The following PTPRD variants were observed in gnomAD, a reference collection of about 807,000 sequenced individuals.
PTPRD encodes the protein receptor-type tyrosine-protein phosphatase delta.
In PTPRD, 34 loss-of-function variants were observed where a neutral mutation model predicts 214.5. That is an observed-to-expected ratio of 0.16 (90% CI 0.12 to 0.21). The LOEUF is 0.21. Ranked by LOEUF, PTPRD falls within the 10% of genes least tolerant of loss-of-function variation. PTPRD has a pLI of 1.00. For synonymous variants in PTPRD, 1,128 were observed against 845.7 expected, an observed-to-expected ratio of 1.33 and a Z score of -5.79; for missense variants, 2,545 against 2,398.7, an observed-to-expected ratio of 1.06 and a Z score of -1.27.
chr9:8,505,869 C>T (rs900844270), intron 22 of PTPRD, among the ~76,000 whole-genome samples: 2 of 152,034 alleles, frequency 1.3e-5, no homozygotes, highest in African/African-American at 4.8e-5. Context: ...CTATGTATGC[C>T]TGTATTTTAG....
intron 35 of PTPRD, among the ~76,000 whole-genome samples, chr9:8,405,528 C>T (rs931824409): frequency 6.6e-6 from 1 of 151,840 alleles, no homozygotes; most frequent in Non-Finnish European, 1.5e-5. Flanking sequence ...ATTTCAAGAC[C>T]AAATTCAGGT....
chr9:10,156,529 T>C (rs1564189617), intron 3 of PTPRD, among the ~76,000 whole-genome samples: 3 of 152,204 alleles, frequency 2.0e-5, no homozygotes, highest in Admixed American at 6.5e-5. Flanking sequence ...TTATTTCGCA[T>C]TTGCTGATGA....
At chr9:9,302,601 C>CTTTTTTTTTTTTT (rs3047853) in intron 9 of PTPRD, among the ~76,000 whole-genome samples, 85 of 111,874 alleles carry the variant, frequency 7.6e-4, no homozygotes, top group East Asian at 1.9e-3. Flanking sequence ...TTTTTTTTTT[C>CTTTTTTTTTTTTT]TTTTTTTTTT....
intron 11 of PTPRD, among the ~76,000 whole-genome samples, chr9:8,902,105 T>C (rs904197696): frequency 1.1e-4 from 16 of 151,238 alleles, no homozygotes; most frequent in Non-Finnish European, 1.2e-4. Context: ...TATTACTGTA[T>C]TATCATATAC....
At position 10,034,735 on chromosome 9, in the gene PTPRD, A is replaced by G. The variant is rs919328113; in HGVS notation, c.-544-945T>C. The stretch of plus-strand genomic sequence containing the variant: ...ATAATGGTCTCCGGCTGCATCCAAC[A>G]AAGTCCTGCACAGGAAATGATTTTG... On this transcript the variant is annotated intron_variant, in intron 3 of 45. Transcript: ENST00000381196. 2.6e-5 allele frequency among the ~76,000 whole-genome samples: 4 copies of G among 152,206 alleles called. No individual in the cohort carries two copies. The East Asian group carries it at 5.8e-4, about 22-fold the overall frequency.
chr9:10,156,671 C>T (rs758356970), intron 3 of PTPRD, among the ~76,000 whole-genome samples: 5 of 152,130 alleles, frequency 3.3e-5, no homozygotes, highest in African/African-American at 9.7e-5. Flanking sequence ...GTGCTGAGTT[C>T]AGGTCCTCAA....
intron 10 of PTPRD, among the ~76,000 whole-genome samples, chr9:9,157,383 G>A (rs771810186): frequency 6.6e-6 from 1 of 151,814 alleles, no homozygotes; most frequent in Non-Finnish European, 1.5e-5. Context: ...TAAACTCTTA[G>A]ATTAATGAGG....
At chr9:8,458,390 G>T (rs1378919404) in intron 33 of PTPRD, among the ~76,000 whole-genome samples, 1 of 151,982 alleles carries the variant, frequency 6.6e-6, no homozygotes, top group East Asian at 1.9e-4. Flanking sequence ...TGATAGCTAT[G>T]TATATCCAAA....
intron 12 of PTPRD, among the ~76,000 whole-genome samples, chr9:8,698,349 C>T (rs1033405621): frequency 7.2e-5 from 11 of 152,136 alleles, no homozygotes; most frequent in African/African-American, 2.7e-4. Context: ...GCGAAGACGA[C>T]AGTTAGTGAT....
In PTPRD at chr9:8,465,474, C is replaced by T. The variant is rs1184025257; in HGVS notation, c.3706G>A (p.Ala1236Thr). 1.2e-6 allele frequency: 2 copies of T among 1,611,654 alleles called. No individual in the cohort carries two copies. The highest frequency in any genetic ancestry group is 8.5e-7 in the Non-Finnish European group (1 of 1,178,302). ...VFFVLAVMEH[A>T]ESKMYATSPY... ...CATCATAATTAACTTACAGACTCTG[C>T]ATGTTCCATTACTGCTAACACAAAG... The change falls in exon 32 of 46, where the codon GCA (alanine) becomes ACA (threonine). Residue 1236 changes from alanine to threonine, a missense_variant. Coordinates refer to ENST00000381196, the MANE Select transcript of PTPRD (RefSeq NM_002839.4).
At chr9:9,998,129 A>AAAAAAAAAAAT (rs57991748) in intron 4 of PTPRD, among the ~76,000 whole-genome samples, 1 of 91,458 alleles carries the variant, frequency 1.1e-5, no homozygotes, top group Admixed American at 1.2e-4. Flanking sequence ...AAAAAAAAAA[A>AAAAAAAAAAAT]ATATATATAT....
At chr9:10,394,067 T>G (rs2890916) in intron 2 of PTPRD, among the ~76,000 whole-genome samples, 3,469 of 144,410 alleles carry the variant, frequency 0.024, 133 homozygotes, top group African/African-American at 0.083. Flanking sequence ...TATATATATA[T>G]ATATATATAG....
chr9:8,814,565 C>A (rs1014072989), intron 11 of PTPRD, among the ~76,000 whole-genome samples: 2 of 152,054 alleles, frequency 1.3e-5, no homozygotes, highest in East Asian at 3.9e-4. Context: ...CTAGGTGACA[C>A]GAGCAAGTCA....
At chr9:9,805,139 G>A (rs2099064961) in intron 5 of PTPRD, among the ~76,000 whole-genome samples, 2 of 152,076 alleles carry the variant, frequency 1.3e-5, no homozygotes, top group Admixed American at 6.6e-5. Flanking sequence ...GGGTTTTGGG[G>A]CCAGGCTTAC....
chr9:10,061,112 G>C (rs2097771636), intron 3 of PTPRD, among the ~76,000 whole-genome samples: 1 of 151,448 alleles, frequency 6.6e-6, no homozygotes, highest in African/African-American at 2.4e-5. Context: ...TTCAGCCAAG[G>C]GTATGATATA....
intron 11 of PTPRD, among the ~76,000 whole-genome samples, chr9:8,873,065 C>T (rs909415884): frequency 4.6e-5 from 7 of 152,200 alleles, no homozygotes; most frequent in African/African-American, 1.7e-4. Flanking sequence ...TACAGTGTTA[C>T]TGCAGCGATA....
chr9:9,988,442 G>A (rs1233986465), intron 4 of PTPRD, among the ~76,000 whole-genome samples: 2 of 152,078 alleles, frequency 1.3e-5, no homozygotes, highest in Non-Finnish European at 2.9e-5. Flanking sequence ...AGCTCAAACT[G>A]ATTTCCTTGA....
At chr9:9,840,893 C>T (rs1334531066) in intron 5 of PTPRD, among the ~76,000 whole-genome samples, 1 of 146,338 alleles carries the variant, frequency 6.8e-6, no homozygotes, top group Non-Finnish European at 1.5e-5. Flanking sequence ...ATAAGGAGTT[C>T]AATTTTTATA....
chr9:9,077,311 A>G (rs1432605393), intron 10 of PTPRD, among the ~76,000 whole-genome samples: 1 of 152,008 alleles, frequency 6.6e-6, no homozygotes, highest in Admixed American at 6.6e-5. Context: ...TATTAATGAA[A>G]AAATACCATG....
Sources: allele counts gnomAD v4.1 joint callset (sites outside exome capture counted in the v4.1 genomes callset), GRCh38; gene constraint gnomAD v4.1.1; transcripts MANE v1.5; gene names NCBI Gene and HGNC (gene_info 2026-07-23, HGNC 2026-07-21).